NR3C1: variants seen among roughly 807,000 people sequenced by gnomAD.
The protein encoded by NR3C1 is nuclear receptor subfamily 3 group C member 1.
NR3C1 carries 14 observed loss-of-function variants against 74.0 expected under a neutral mutation model. The ratio of observed to expected loss-of-function variants is 0.19; its 90% CI spans 0.12 to 0.30. The LOEUF is 0.30. Among genes scored for constraint, NR3C1 ranks in the 10% least tolerant of loss-of-function variants. The pLI, the probability that NR3C1 is intolerant of heterozygous loss-of-function variation, is 1.00. For missense variants in NR3C1, 695 were observed against 909.8 expected (o/e 0.76, Z 3.04); for synonymous variants, 308 against 332.5 (o/e 0.93, Z 0.80).
rs199977318 is a variant in NR3C1, at chr5:143,324,008, G to GCAGGGTA, written c.1185-9841_1185-9840insTACCCTG. Among the ~76,000 whole-genome samples the GCAGGGTA allele has an allele frequency of 1.0e-3, 156 of 152,224 alleles. 3 individuals carry two copies. In the East Asian group the frequency reaches 0.022, roughly 22 times the overall value. On this transcript the variant is annotated intron_variant, in intron 2 of 8. Coordinates refer to ENST00000394464, the MANE Select transcript of NR3C1 (RefSeq NM_000176.3). ...TGGGCAGCTCCGCCCCTGTGACTTTGCAGCCTACCTCCCGGCTGCTTTCAC... is the reference window on the plus strand; with the variant it reads ...TGGGCAGCTCCGCCCCTGTGACTTTGCAGGGTACAGCCTACCTCCCGGCTGCTTTCAC...
At chr5:143,340,723 C>T (rs565051204) in intron 2 of NR3C1, among the ~76,000 whole-genome samples, 75 of 152,118 alleles carry the variant, frequency 4.9e-4, no homozygotes, top group East Asian at 2.1e-3. Flanking sequence ...CCTCGTGATC[C>T]GCCCGGCTTG....
chr5:143,389,881 C>A lies in NR3C1; in HGVS notation c.1184+9775G>T, dbSNP rs1013342561. On this transcript the variant is annotated intron_variant, in intron 2 of 8. Coordinates refer to ENST00000394464, the MANE Select transcript of NR3C1 (RefSeq NM_000176.3). ...CCTGTTAGCAGTAAAACATTACCTG[C>A]CATGCTAGGATGGCTCTTCCTTCCC... 3.3e-6 allele frequency: 3 copies of A among 916,686 alleles called. No homozygotes were observed. The African/African-American group carries it at 5.4e-5, about 16-fold the overall frequency. 56.8% of individuals were successfully genotyped at this position (916,686 alleles called of 1,614,324 possible).
chr5:143,295,983 A>C (rs935536620), intron 6 of NR3C1, among the ~76,000 whole-genome samples: 2 of 152,222 alleles, frequency 1.3e-5, no homozygotes, highest in Non-Finnish European at 2.9e-5. Context: ...TTTTAAAGGT[A>C]AATTTTTTCA....
chr5:143,392,830 T>C (rs1403298897), intron 2 of NR3C1, among the ~76,000 whole-genome samples: 2 of 152,204 alleles, frequency 1.3e-5, no homozygotes, highest in Non-Finnish European at 2.9e-5. Context: ...TTATAAAATA[T>C]GTGGCTAGTC....
chr5:143,355,714 A>C (rs909964408), intron 2 of NR3C1, among the ~76,000 whole-genome samples: 1 of 152,204 alleles, frequency 6.6e-6, no homozygotes, highest in African/African-American at 2.4e-5. Context: ...TCTCATTATC[A>C]TGTTAAAGGT....
chr5:143,395,610 C>T (rs755588004), intron 2 of NR3C1, among the ~76,000 whole-genome samples: 4 of 151,698 alleles, frequency 2.6e-5, no homozygotes, highest in Non-Finnish European at 5.9e-5. Context: ...TTAATTTGCC[C>T]ACCTAAGTAC....
In NR3C1 at chr5:143,400,404, C is replaced by A; in HGVS notation, c.436G>T (p.Ala146Ser). ...PENPKSSAST[A>S]VSAAPTEKEF... is the part of the protein sequence containing the mutation. ...TTCTCTGTGGGGGCAGCAGACACAG[C>A]AGTGGATGCTGAACTCTTGGGGTTC... The change falls in exon 2 of 9, where the codon GCT becomes TCT. Residue 146 changes from alanine to serine, a missense_variant. Ala to Ser is a moderately conservative substitution (Grantham distance 99). Around this residue, in one of 4 missense-constraint regions of NR3C1, gnomAD observed 497 missense variants for 489.5 expected, o/e 1.02. Coordinates refer to ENST00000394464, the MANE Select transcript of NR3C1 (RefSeq NM_000176.3). 1 of 1,614,176 alleles carries A rather than the reference C, an allele frequency of 6.2e-7. No homozygotes were observed. Among genetic ancestry groups the A allele is most frequent in the East Asian group, 2.2e-5 (1 of 44,886 alleles).
intron 2 of NR3C1, among the ~76,000 whole-genome samples, chr5:143,387,888 T>C (rs960093885): frequency 6.6e-6 from 1 of 152,196 alleles, no homozygotes; most frequent in Admixed American, 6.5e-5. Flanking sequence ...CACACACTTA[T>C]CTGAAAAATG....
At position 143,279,263 on chromosome 5, in the gene NR3C1, C is replaced by G. The variant is rs115618248; in HGVS notation, c.*2626G>C. ...TTAATGAAAAGCCTCCTATAGTTGT[C>G]GATGAGCATCAGTTGACTTATTATT... On this transcript the variant is annotated 3_prime_UTR_variant, in exon 9 of 9. Coordinates refer to ENST00000394464, the MANE Select transcript of NR3C1 (RefSeq NM_000176.3). 1 of 1,356,802 alleles carries G rather than the reference C, an allele frequency of 7.4e-7. No homozygotes were observed. Among genetic ancestry groups the G allele is most frequent in the Non-Finnish European group, 1.0e-6 (1 of 1,001,282 alleles). The allele number at this position is 1,356,802 out of a possible 1,614,324, so 84.0% of individuals were successfully genotyped here.
chr5:143,398,239 A>G (rs1839584197), intron 2 of NR3C1, among the ~76,000 whole-genome samples: 1 of 151,954 alleles, frequency 6.6e-6, no homozygotes, highest in Admixed American at 6.6e-5. Flanking sequence ...CCTTACTGAA[A>G]AGATTTTAAA....
At chr5:143,344,016 T>A (rs1040390564) in intron 2 of NR3C1, among the ~76,000 whole-genome samples, 3 of 151,558 alleles carry the variant, frequency 2.0e-5, no homozygotes, top group Non-Finnish European at 2.9e-5. Flanking sequence ...CTGTCAGCTA[T>A]TTTTTTTTCT....
upstream of NR3C1, chr5:143,405,316 C>G: frequency 1.0e-6 from 1 of 985,638 alleles, no homozygotes; most frequent in Non-Finnish European, 1.2e-6. Flanking sequence ...GGGCGCTCGG[C>G]CACAGCCACT....
exon 1 of NR3C1, chr5:143,435,205 CTCTT>C: frequency 1.0e-6 from 1 of 985,448 alleles, no homozygotes; most frequent in Non-Finnish European, 1.2e-6. Context: ...TTCTCTTACC[CTCTT>C]TCTGTTTCTA....
chr5:143,432,416 C>T (rs1751874425), intron 1 of NR3C1, among the ~76,000 whole-genome samples: 1 of 152,034 alleles, frequency 6.6e-6, no homozygotes, highest in Admixed American at 6.6e-5. Context: ...GATTTCTAGT[C>T]CTGAGGGGCA....
At chr5:143,403,771 G>A (rs1840812806), upstream of NR3C1, 5 of 983,904 alleles carry the variant, frequency 5.1e-6, no homozygotes, top group African/African-American at 1.7e-5. Flanking sequence ...GGCGGCCGCG[G>A]GGAACGATGC....
intron 2 of NR3C1, among the ~76,000 whole-genome samples, chr5:143,353,561 G>A (rs1830584725): frequency 1.3e-5 from 2 of 152,148 alleles, no homozygotes; most frequent in Non-Finnish European, 2.9e-5. Context: ...CATCCATCTT[G>A]TTGTACAATT....
At chr5:143,384,530 TCCCC>T (rs1185865437) in intron 2 of NR3C1, among the ~76,000 whole-genome samples, 1 of 151,998 alleles carries the variant, frequency 6.6e-6, no homozygotes, top group Non-Finnish European at 1.5e-5. Context: ...TTGGGTAAAT[TCCCC>T]CATTCCAAAC....
At chr5:143,333,225 C>T (rs1179492563) in intron 2 of NR3C1, 14 of 1,467,092 alleles carry the variant, frequency 9.5e-6, no homozygotes, top group South Asian at 6.9e-5. Context: ...TCAGCTCATC[C>T]GTCAGCTGAA....
At chr5:143,309,777 G>A (rs1302194336) in intron 4 of NR3C1, among the ~76,000 whole-genome samples, 3 of 151,986 alleles carry the variant, frequency 2.0e-5, no homozygotes, top group African/African-American at 7.2e-5. Flanking sequence ...GAATAGTTTT[G>A]AGGCTGAAAA....
Sources: allele counts gnomAD v4.1 joint callset (sites outside exome capture counted in the v4.1 genomes callset), GRCh38; gene constraint gnomAD v4.1.1; regional missense constraint gnomAD v4.1.1; transcripts MANE v1.5; gene names NCBI Gene and HGNC (gene_info 2026-07-23, HGNC 2026-07-21).